The following OVOL2 variants were observed in gnomAD, a reference collection of about 807,000 sequenced individuals.
OVOL2 encodes the protein transcription factor Ovo-like 2.
OVOL2 carries 13 observed loss-of-function variants against 18.1 expected under a neutral mutation model. The ratio of observed to expected loss-of-function variants is 0.72; its 90% CI spans 0.47 to 1.14. OVOL2 has a LOEUF of 1.14. OVOL2 is among the 50% of genes most tolerant of loss of function. The pLI, the probability that OVOL2 is intolerant of heterozygous loss-of-function variation, is 0.00. For missense variants in OVOL2, 335 were observed against 383.0 expected (o/e 0.87, Z 1.05); for synonymous variants, 166 against 162.7 (o/e 1.02, Z -0.16).
At chr20:18,037,885 TC>T (rs2122704421) in intron 3 of OVOL2, among the ~76,000 whole-genome samples, 1 of 150,612 alleles carries the variant, frequency 6.6e-6, no homozygotes, top group Non-Finnish European at 1.5e-5. Flanking sequence ...TGGGATCACC[TC>T]CCAAATACAT....
At chr20:18,042,775 CAAA>C (rs141784334) in intron 2 of OVOL2, among the ~76,000 whole-genome samples, 1 of 93,574 alleles carries the variant, frequency 1.1e-5, no homozygotes, top group Non-Finnish European at 2.0e-5. Flanking sequence ...AACTCCGTCT[CAAA>C]AAAAAAAAAA....
At chr20:18,028,779 C>T (rs1010152678) in intron 3 of OVOL2, among the ~76,000 whole-genome samples, 2 of 151,740 alleles carry the variant, frequency 1.3e-5, no homozygotes, top group Non-Finnish European at 2.9e-5. Context: ...GGCAATAGAG[C>T]GAGACCCTGT....
In OVOL2 at chr20:18,056,564, C is replaced by T. The variant is rs1385162598; in HGVS notation, c.321+93G>A. On this transcript the variant is annotated intron_variant, in intron 2 of 3. Coordinates refer to ENST00000278780, the MANE Select transcript of OVOL2 (RefSeq NM_021220.4). The surrounding 1 kb of genome is among the most constrained non-coding windows in gnomAD (Gnocchi z 4.2). ...CGCTCGGGGCGCGGGTGCCGGGTTGCGCAGGCGGGCGCGGCAGGGAGGGGC... is the reference window on the plus strand; with the variant it reads ...CGCTCGGGGCGCGGGTGCCGGGTTGTGCAGGCGGGCGCGGCAGGGAGGGGC... The T allele has an allele frequency of 3.3e-6, 4 of 1,220,380 alleles. No individual in the cohort carries two copies. Among genetic ancestry groups the T allele is most frequent in the Non-Finnish European group, 3.1e-6 (3 of 978,682 alleles). The allele number at this position is 1,220,380 out of a possible 1,614,324, so 75.6% of individuals were successfully genotyped here. A position where few individuals can be genotyped will look rare whatever the true frequency, so the allele number is the denominator to read the frequency against.
intron 3 of OVOL2, 99 bp downstream of exon 3, chr20:18,041,435 A>G (rs2036666988): frequency 4.3e-6 from 6 of 1,388,886 alleles, no homozygotes; most frequent in Non-Finnish European, 5.9e-6. Flanking sequence ...GAAACACAAC[A>G]TTGTTCCACG....
chr20:18,030,838 A>G (rs1454962802), intron 3 of OVOL2, among the ~76,000 whole-genome samples: 1 of 152,192 alleles, frequency 6.6e-6, no homozygotes, highest in Non-Finnish European at 1.5e-5. Flanking sequence ...TTGCTAGTGT[A>G]AACGCCACCA....
chr20:18,030,149 T>C (rs1320865627), intron 3 of OVOL2, among the ~76,000 whole-genome samples: 1 of 152,212 alleles, frequency 6.6e-6, no homozygotes, highest in Non-Finnish European at 1.5e-5. Flanking sequence ...TACAGACTCC[T>C]CTCCTAAGGA....
chr20:18,047,573 G>T (rs1281418157), intron 2 of OVOL2, among the ~76,000 whole-genome samples: 3 of 147,794 alleles, frequency 2.0e-5, no homozygotes, highest in Admixed American at 6.7e-5. Flanking sequence ...AATGAAATTG[G>T]CAGGGCACAG....
chr20:18,029,716 A>G lies in OVOL2; in HGVS notation c.512-4764T>C, dbSNP rs115555203. Among the ~76,000 whole-genome samples the G allele has an allele frequency of 8.5e-3, 1,295 of 152,132 alleles. 17 individuals are homozygous for G. Among genetic ancestry groups the G allele is most frequent in the African/African-American group, 0.029 (1,222 of 41,516 alleles). ...ATTCTAGGATGGGTGCATGGCTCAC[A>G]CCTGTAATCCCAGCACTTTGGGAGG... On this transcript the variant is annotated intron_variant, in intron 3 of 3. Coordinates refer to ENST00000278780, the MANE Select transcript of OVOL2 (RefSeq NM_021220.4).
intron 3 of OVOL2, among the ~76,000 whole-genome samples, chr20:18,041,171 T>C (rs1049811728): frequency 1.4e-4 from 22 of 152,042 alleles, no homozygotes; most frequent in African/African-American, 4.8e-4. Flanking sequence ...TTTCTTTTTT[T>C]TTCTTTTTTT....
chr20:18,027,593 GT>G (rs1160273852), intron 3 of OVOL2, among the ~76,000 whole-genome samples: 1 of 151,686 alleles, frequency 6.6e-6, no homozygotes, highest in Non-Finnish European at 1.5e-5. Flanking sequence ...CCATAGTAAG[GT>G]TTTTTTGTTT....
chr20:18,041,723 A>G lies in OVOL2; in HGVS notation c.322T>C (p.Phe108Leu). The G allele has an allele frequency of 6.2e-7, 1 of 1,609,692 alleles. No homozygotes were observed. Among genetic ancestry groups the G allele is most frequent in the Non-Finnish European group, 8.5e-7 (1 of 1,177,136 alleles). Residue 108 changes from phenylalanine (F) to leucine (L), a missense_variant and splice_region_variant, in exon 3 of 4, where the codon TTC (phenylalanine) becomes CTC (leucine). Coordinates refer to ENST00000278780, the MANE Select transcript of OVOL2 (RefSeq NM_021220.4). ...QRPVARSKIK[F>L]TTGTCSDSVV... is the part of the protein sequence containing the mutation. ...GAGTCGCTGCACGTGCCTGTGGTGA[A>G]CTGGGGGCAGAGAGAGGCCATGAGG...
upstream of OVOL2, among the ~76,000 whole-genome samples, chr20:18,058,738 ATCT>A (rs1366934446): frequency 1.3e-5 from 2 of 152,234 alleles, no homozygotes; most frequent in Non-Finnish European, 2.9e-5. Context: ...CATTGGCTAC[ATCT>A]TCTAGCCGCC....
chr20:18,056,137 C>T lies in OVOL2; in HGVS notation c.321+520G>A, dbSNP rs2036821806. 6.6e-6 allele frequency among the ~76,000 whole-genome samples: 1 copy of T among 152,200 alleles called. No individual in the cohort carries two copies. Among genetic ancestry groups the T allele is most frequent in the Admixed American group, 6.5e-5 (1 of 15,284 alleles). ...CCTCCTGTCTGACAGACACTGGGAA[C>T]CGGTTCATGTTGGGAGAGGCCCACT... On this transcript the variant is annotated intron_variant, in intron 2 of 3. Transcript: ENST00000278780. This position sits in a 1 kb window ranked among gnomAD's most constrained non-coding sequence, Gnocchi z 4.2.
chr20:18,026,555 G>C (rs1486889780), intron 3 of OVOL2, among the ~76,000 whole-genome samples: 2 of 152,014 alleles, frequency 1.3e-5, no homozygotes, highest in African/African-American at 4.8e-5. Flanking sequence ...CTAATTTTTT[G>C]TATCTTTAGT....
At chr20:18,027,018 C>T (rs970693543) in intron 3 of OVOL2, among the ~76,000 whole-genome samples, 6 of 152,092 alleles carry the variant, frequency 3.9e-5, no homozygotes, top group Admixed American at 6.6e-5. Flanking sequence ...ACCTGGGTGA[C>T]GGGATCATCT....
rs760146621 is a variant in OVOL2, at chr20:18,024,810, A to T, written c.654T>A (p.Asp218Glu). 2.5e-6 allele frequency: 4 copies of T among 1,614,044 alleles called. No individual in the cohort carries two copies. Among genetic ancestry groups the T allele is most frequent in the Non-Finnish European group, 3.4e-6 (4 of 1,180,034 alleles). ...QRRDKLYVCE[D>E]CGYTGPTQED... Reference sequence around the variant, plus strand: ...CCTGGGTGGGGCCCGTGTAGCCGCAATCCTCGCAGACGTAGAGCTTGTCCC... The same window carrying T: ...CCTGGGTGGGGCCCGTGTAGCCGCATTCCTCGCAGACGTAGAGCTTGTCCC... Residue 218 changes from aspartate to glutamate, a missense_variant, in exon 4 of 4, where the codon GAT becomes GAA. Coordinates refer to ENST00000278780, the MANE Select transcript of OVOL2 (RefSeq NM_021220.4).
chr20:18,040,153 G>C (rs2036655960), intron 3 of OVOL2, among the ~76,000 whole-genome samples: 1 of 152,122 alleles, frequency 6.6e-6, no homozygotes, highest in Non-Finnish European at 1.5e-5. Flanking sequence ...CCAACTCTTG[G>C]CCTCAAGCAA....
intron 3 of OVOL2, among the ~76,000 whole-genome samples, chr20:18,027,579 A>G (rs2036531381): frequency 6.6e-6 from 1 of 151,874 alleles, no homozygotes; most frequent in African/African-American, 2.4e-5. Context: ...AAATTAAGAA[A>G]TCACCATAGT....
chr20:18,028,512 G>C (rs1454954349), intron 3 of OVOL2, among the ~76,000 whole-genome samples: 1 of 152,044 alleles, frequency 6.6e-6, no homozygotes, highest in South Asian at 2.1e-4. Flanking sequence ...TAAAAAATAG[G>C]CTGGGTGCGG....
Sources: gnomAD v4.1 joint callset for allele counts (sites outside exome capture counted in the v4.1 genomes callset) on GRCh38, gnomAD v4.1.1 for gene constraint, Gnocchi (gnomAD v3.1) non-coding constraint, MANE v1.5 for transcripts, NCBI Gene and HGNC (gene_info 2026-07-23, HGNC 2026-07-21) for gene names.